The following PCDHGB3 variants were observed in gnomAD, a reference collection of about 807,000 sequenced individuals.
PCDHGB3 encodes the protein protocadherin gamma-B3.
Under a neutral mutation model 59.2 loss-of-function variants are expected in PCDHGB3, and 40 were observed. The observed-to-expected ratio is 0.68, with a 90% CI of 0.52 to 0.88. The LOEUF (loss-of-function observed/expected upper bound fraction) is 0.88. Among genes scored for constraint, PCDHGB3 ranks in the 40% least tolerant of loss-of-function variants. The pLI, the probability that PCDHGB3 is intolerant of heterozygous loss-of-function variation, is 0.00. For missense variants in PCDHGB3, 1,309 were observed against 1,187.9 expected, an observed-to-expected ratio of 1.10 and a Z score of -1.50; for synonymous variants, 581 against 503.6, an observed-to-expected ratio of 1.15 and a Z score of -2.06.
chr5:141,375,766 G>T (rs754916018), intron 1 of PCDHGB3: 5 of 1,614,270 alleles, frequency 3.1e-6, no homozygotes, highest in Non-Finnish European at 4.2e-6. Flanking sequence ...ATGCGCCCGA[G>T]ATCCTGTACC....
rs1193417991 is a variant in PCDHGB3 at position 141,491,413 on chromosome 5, G to C, written c.2416-3394G>C. 5.0e-6 allele frequency: 8 copies of C among 1,613,946 alleles called. No individual in the cohort carries two copies. Among genetic ancestry groups the C allele is most frequent in the African/African-American group, 1.3e-5 (1 of 74,906 alleles). ...CCTTCAGGGAAACGCAGACGGGGAC[G>C]GGGGTGGAGGGCAGTGCTGCAGGCG... On this transcript the variant is annotated intron_variant, in intron 1 of 3. Transcript: ENST00000576222. The surrounding 1 kb of genome is among the most constrained non-coding windows in gnomAD (Gnocchi z 6.9).
chr5:141,382,218 T>C (rs188591705), intron 1 of PCDHGB3, among the ~76,000 whole-genome samples: 1 of 152,328 alleles, frequency 6.6e-6, no homozygotes, highest in East Asian at 1.9e-4. Flanking sequence ...TAGGTCTATA[T>C]ATTTTACAAC....
intron 1 of PCDHGB3, among the ~76,000 whole-genome samples, chr5:141,449,753 C>T (rs1260240861): frequency 6.6e-6 from 1 of 151,246 alleles, no homozygotes; most frequent in East Asian, 1.9e-4. Context: ...ATTTTTATGA[C>T]ATTTGAGAGT....
At chr5:141,423,025 G>A in intron 1 of PCDHGB3, 1 of 1,614,222 alleles carries the variant, frequency 6.2e-7, no homozygotes, top group Non-Finnish European at 8.5e-7. Context: ...CAAAGATTCA[G>A]GCCAGAACGC....
At chr5:141,376,108 G>T in intron 1 of PCDHGB3, 2 of 1,613,770 alleles carry the variant, frequency 1.2e-6, no homozygotes, top group Non-Finnish European at 1.7e-6. Flanking sequence ...TGGCCGACCT[G>T]GGCAGCCTCG....
Position 141,406,695 on chromosome 5 carries a change from A to T in PCDHGB3, c.2415+33886A>T, listed in dbSNP as rs62378452. Among the ~76,000 whole-genome samples, 1,219 of 152,310 alleles carry T rather than the reference A, an allele frequency of 8.0e-3. 8 individuals are homozygous for T. Among genetic ancestry groups the T allele is most frequent in the Non-Finnish European group, 0.011 (770 of 68,010 alleles). Reference sequence around the variant, plus strand: ...GAATAGTAGGACATTCTTCTTTTCTATAGTATATGCTTGCTCAAGAGAAGT... The same window carrying T: ...GAATAGTAGGACATTCTTCTTTTCTTTAGTATATGCTTGCTCAAGAGAAGT... On this transcript the variant is annotated intron_variant, in intron 1 of 3. Coordinates refer to ENST00000576222, the MANE Select transcript of PCDHGB3 (RefSeq NM_018924.5).
intron 1 of PCDHGB3, among the ~76,000 whole-genome samples, chr5:141,387,190 T>C (rs2090856336): frequency 1.3e-5 from 2 of 152,124 alleles, no homozygotes; most frequent in African/African-American, 2.4e-5. Context: ...AAAAGGCAAT[T>C]TTGGTATTAC....
At chr5:141,463,493 G>C (rs2099061978) in intron 1 of PCDHGB3, among the ~76,000 whole-genome samples, 1 of 128,844 alleles carries the variant, frequency 7.8e-6, no homozygotes, top group Admixed American at 9.6e-5. Flanking sequence ...CTGTCACCCA[G>C]GCTGGAGTGA....
chr5:141,395,053 A>T (rs1210765378), intron 1 of PCDHGB3: 1 of 1,614,062 alleles, frequency 6.2e-7, no homozygotes, highest in East Asian at 2.2e-5. Context: ...GAGGAGGTAC[A>T]GGCTTTCCTG....
chr5:141,408,302 C>T (rs1017556555), intron 1 of PCDHGB3: 1 of 1,613,780 alleles, frequency 6.2e-7, no homozygotes, highest in Non-Finnish European at 8.5e-7. Context: ...TGAGCCGATC[C>T]GCTACTCGAT....
chr5:141,415,026 G>T, intron 1 of PCDHGB3: 2 of 1,613,590 alleles, frequency 1.2e-6, no homozygotes, highest in Non-Finnish European at 1.7e-6. Context: ...AGGCCAGCGA[G>T]CCGGGACTCT....
chr5:141,383,826 T>G, intron 1 of PCDHGB3: 1 of 1,613,966 alleles, frequency 6.2e-7, no homozygotes, highest in Non-Finnish European at 8.5e-7. Flanking sequence ...GATTAGATTA[T>G]GAAGAAACTG....
chr5:141,471,065 T>C (rs1355886133), intron 1 of PCDHGB3, among the ~76,000 whole-genome samples: 3 of 148,628 alleles, frequency 2.0e-5, no homozygotes, highest in Non-Finnish European at 3.0e-5. Context: ...TTTTTTTTTT[T>C]TGAGACAGGG....
chr5:141,496,467 T>A (rs1334392771), intron 2 of PCDHGB3, among the ~76,000 whole-genome samples: 1 of 152,056 alleles, frequency 6.6e-6, no homozygotes, highest in Non-Finnish European at 1.5e-5. Context: ...GAGTTATCTT[T>A]CCCCCATCCT....
chr5:141,422,996 C>T (rs1473025630), intron 1 of PCDHGB3: 1 of 1,614,224 alleles, frequency 6.2e-7, no homozygotes, highest in South Asian at 1.1e-5. Context: ...TACCTGGTGA[C>T]CAAGGTGGTT....
rs980172909 is a variant in PCDHGB3, at chr5:141,485,917, G to A, written c.2416-8890G>A. On this transcript the variant is annotated intron_variant, in intron 1 of 3. Transcript: ENST00000576222. The surrounding 1 kb of genome is among the most constrained non-coding windows in gnomAD (Gnocchi z 5.7). ...CAGCCTTCCAGCAATCCAGCTACAGGATTAGTGTGTTGGAGAGCGCACCAG... is the reference window on the plus strand; with the variant it reads ...CAGCCTTCCAGCAATCCAGCTACAGAATTAGTGTGTTGGAGAGCGCACCAG... The A allele has an allele frequency of 2.6e-5, 42 of 1,614,078 alleles. No homozygotes were observed. Among genetic ancestry groups the A allele is most frequent in the Non-Finnish European group, 3.5e-5 (41 of 1,180,050 alleles).
chr5:141,493,808 C>T lies in PCDHGB3; in HGVS notation c.2416-999C>T, dbSNP rs2099750260. On this transcript the variant is annotated intron_variant, in intron 1 of 3. Transcript: ENST00000576222. The surrounding 1 kb of genome is among the most constrained non-coding windows in gnomAD (Gnocchi z 4.3). ...CTTCTCCCTGGAGTAATCTGAGATA[C>T]TCACACTCTCTGCTTCTGGGAGCAA... is the stretch of plus-strand genomic sequence containing the variant. 6.6e-6 allele frequency among the ~76,000 whole-genome samples: 1 copy of T among 152,200 alleles called. No individual in the cohort carries two copies. The highest frequency in any genetic ancestry group is 1.5e-5 in the Non-Finnish European group (1 of 68,042).
At chr5:141,434,561 G>A (rs2097702856) in intron 1 of PCDHGB3, among the ~76,000 whole-genome samples, 1 of 152,188 alleles carries the variant, frequency 6.6e-6, no homozygotes, top group Non-Finnish European at 1.5e-5. Flanking sequence ...GTGCCTTAAG[G>A]ACATGCCCCT....
In PCDHGB3 at chr5:141,486,680, T is replaced by A; in HGVS notation, c.2416-8127T>A. The A allele has an allele frequency of 6.2e-7, 1 of 1,614,102 alleles. No homozygotes were observed. Among genetic ancestry groups the A allele is most frequent in the Non-Finnish European group, 8.5e-7 (1 of 1,180,018 alleles). ...CCTGGAGCCCAGGAATCGAGATGTA[T>A]CAGCTTCCTCTTTCATCTCTCTGAA... is the stretch of plus-strand genomic sequence containing the variant. On this transcript the variant is annotated intron_variant, in intron 1 of 3. Coordinates refer to ENST00000576222, the MANE Select transcript of PCDHGB3 (RefSeq NM_018924.5). This position sits in a 1 kb window ranked among gnomAD's most constrained non-coding sequence, Gnocchi z 5.0.
Sources: allele counts gnomAD v4.1 joint callset (sites outside exome capture counted in the v4.1 genomes callset), GRCh38; gene constraint gnomAD v4.1.1; non-coding constraint Gnocchi (gnomAD v3.1); transcripts MANE v1.5; gene names NCBI Gene and HGNC (gene_info 2026-07-23, HGNC 2026-07-21).